Variants in SHISA6 observed in about 807,000 individuals in gnomAD.
The protein encoded by SHISA6 is protein shisa-6.
A neutral mutation model predicts 47.9 loss-of-function variants in SHISA6; 22 were observed. The observed-to-expected ratio is 0.46, with a 90% CI of 0.33 to 0.66. The LOEUF (loss-of-function observed/expected upper bound fraction) is 0.66. SHISA6 is among the 30% of genes least tolerant of loss of function. The pLI is 0.02. For synonymous variants in SHISA6, 388 were observed against 337.8 expected, an observed-to-expected ratio of 1.15 and a Z score of -1.63; for missense variants, 680 against 764.6, an observed-to-expected ratio of 0.89 and a Z score of 1.30.
At chr17:11,245,670 C>A (rs1227561612) in intron 1 of SHISA6, among the ~76,000 whole-genome samples, 1 of 124,814 alleles carries the variant, frequency 8.0e-6, no homozygotes. Context: ...GCTGGAGACG[C>A]AGTTGGTGAA....
At chr17:11,265,062 G>A (rs1041219738) in intron 2 of SHISA6, among the ~76,000 whole-genome samples, 6 of 152,122 alleles carry the variant, frequency 3.9e-5, no homozygotes, top group African/African-American at 1.4e-4. Context: ...GCAATAGAAG[G>A]AATCTTGGCA....
rs539171700 is a variant in SHISA6, at chr17:11,415,524, T to C, written c.895+36015T>C. Among the ~76,000 whole-genome samples the C allele has an allele frequency of 4.6e-5, 7 of 152,332 alleles. No individual in the cohort carries two copies. In the East Asian group the frequency reaches 1.4e-3, roughly 29 times the overall value. On this transcript the variant is annotated intron_variant, in intron 3 of 5. Transcript: ENST00000441885. ...AAAATAATTAAAACCCAAATGAATT[T>C]ACAATTACTCACCAGCTCTAATGAC...
intron 2 of SHISA6, among the ~76,000 whole-genome samples, chr17:11,315,573 CTT>C (rs529097885): frequency 1.1e-4 from 17 of 152,214 alleles, no homozygotes; most frequent in Non-Finnish European, 2.2e-4. Flanking sequence ...TAAAAAGTGA[CTT>C]TTCAGATTAC....
chr17:11,380,877 G>A (rs992678591), intron 3 of SHISA6, among the ~76,000 whole-genome samples: 9 of 152,106 alleles, frequency 5.9e-5, no homozygotes, highest in Admixed American at 1.3e-4. Flanking sequence ...GTTCCTCCCC[G>A]TGACATTCTC....
chr17:11,350,446 CTGAGATTACAGGCA>C (rs1911849445), intron 2 of SHISA6, among the ~76,000 whole-genome samples: 1 of 151,894 alleles, frequency 6.6e-6, no homozygotes, highest in African/African-American at 2.4e-5. Flanking sequence ...TCCCAAAGTG[CTGAGATTACAGGCA>C]TGGGCCACCG....
At chr17:11,484,590 G>A (rs1215710717) in intron 3 of SHISA6, among the ~76,000 whole-genome samples, 2 of 151,982 alleles carry the variant, frequency 1.3e-5, no homozygotes, top group African/African-American at 2.4e-5. Flanking sequence ...TAGTAAAGAC[G>A]ATTTCACCAT....
At chr17:11,473,857 G>T (rs550032927) in intron 3 of SHISA6, among the ~76,000 whole-genome samples, 21 of 152,060 alleles carry the variant, frequency 1.4e-4, no homozygotes, top group Non-Finnish European at 2.4e-4. Flanking sequence ...CATCATCTAG[G>T]TTTTAAGCCC....
chr17:11,458,388 G>A (rs995366670), intron 3 of SHISA6, among the ~76,000 whole-genome samples: 1 of 152,154 alleles, frequency 6.6e-6, no homozygotes, highest in Non-Finnish European at 1.5e-5. Flanking sequence ...CCCTGGGTGT[G>A]TTGTCAGGGA....
chr17:11,437,391 C>T (rs576593788), intron 3 of SHISA6, among the ~76,000 whole-genome samples: 33 of 152,272 alleles, frequency 2.2e-4, no homozygotes, highest in South Asian at 8.3e-4. Flanking sequence ...TCAGCATAAG[C>T]CTACACTTGC....
At chr17:11,497,329 G>C (rs1567621707) in intron 3 of SHISA6, among the ~76,000 whole-genome samples, 1 of 152,176 alleles carries the variant, frequency 6.6e-6, no homozygotes, top group Non-Finnish European at 1.5e-5. Context: ...GGGAAGGGAA[G>C]TGATCTGATT....
chr17:11,464,627 G>C (rs1222036335), intron 3 of SHISA6, among the ~76,000 whole-genome samples: 1 of 152,154 alleles, frequency 6.6e-6, no homozygotes, highest in African/African-American at 2.4e-5. Flanking sequence ...CATGTTCTCA[G>C]GCAAAGAAAA....
chr17:11,275,054 G>A (rs746595576), intron 2 of SHISA6, among the ~76,000 whole-genome samples: 4 of 152,164 alleles, frequency 2.6e-5, no homozygotes, highest in Non-Finnish European at 4.4e-5. Flanking sequence ...TGGCTTTTCT[G>A]TAAACAGACA....
chr17:11,274,580 C>T (rs775329140), intron 2 of SHISA6, among the ~76,000 whole-genome samples: 10 of 152,126 alleles, frequency 6.6e-5, no homozygotes, highest in Admixed American at 1.3e-4. Context: ...CGGTCTTTTC[C>T]TCATGGGCTT....
intron 3 of SHISA6, among the ~76,000 whole-genome samples, chr17:11,540,622 A>G (rs184014694): frequency 6.6e-5 from 10 of 152,248 alleles, no homozygotes; most frequent in Admixed American, 4.6e-4. Context: ...GAATACCCCA[A>G]TGGATGTATA....
chr17:11,367,732 C>T (rs1306394516), intron 2 of SHISA6, among the ~76,000 whole-genome samples: 4 of 152,192 alleles, frequency 2.6e-5, no homozygotes, highest in Non-Finnish European at 4.4e-5. Flanking sequence ...GAGATGGAGG[C>T]TGAGGATGCT....
At chr17:11,273,180 A>G (rs1908746066) in intron 2 of SHISA6, among the ~76,000 whole-genome samples, 1 of 152,234 alleles carries the variant, frequency 6.6e-6, no homozygotes, top group African/African-American at 2.4e-5. Context: ...TTAGAAGCTT[A>G]ACCAAGGTCA....
chr17:11,280,167 C>T (rs982788594), intron 2 of SHISA6, among the ~76,000 whole-genome samples: 1 of 152,170 alleles, frequency 6.6e-6, no homozygotes, highest in East Asian at 1.9e-4. Context: ...TGCTAAAGCA[C>T]CTTGCAAGTC....
chr17:11,401,526 AG>A (rs1913772351), intron 3 of SHISA6, among the ~76,000 whole-genome samples: 1 of 152,176 alleles, frequency 6.6e-6, no homozygotes, highest in South Asian at 2.1e-4. Context: ...TGATTTTAGA[AG>A]GAGTTTTTGG....
At chr17:11,456,847 A>G (rs2142310329) in intron 3 of SHISA6, among the ~76,000 whole-genome samples, 1 of 152,300 alleles carries the variant, frequency 6.6e-6, no homozygotes, top group East Asian at 1.9e-4. Flanking sequence ...ACACAGATAG[A>G]AATAATAAGA....
Sources: allele counts gnomAD v4.1 joint callset (sites outside exome capture counted in the v4.1 genomes callset), GRCh38; gene constraint gnomAD v4.1.1; transcripts MANE v1.5; gene names NCBI Gene and HGNC (gene_info 2026-07-23, HGNC 2026-07-21).